Variants in RTF2 observed in about 807,000 individuals in gnomAD.
The protein encoded by RTF2 is replication termination factor 2.
In RTF2, 18 loss-of-function variants were observed where a neutral mutation model predicts 38.0. That is an observed-to-expected ratio of 0.47 (90% CI 0.33 to 0.70). The LOEUF (loss-of-function observed/expected upper bound fraction) is 0.70. RTF2 is among the 30% of genes least tolerant of loss of function. The pLI is 0.02. For synonymous variants in RTF2, 126 were observed against 137.1 expected, an observed-to-expected ratio of 0.92 and a Z score of 0.57; for missense variants, 311 against 379.6, an observed-to-expected ratio of 0.82 and a Z score of 1.50.
intron 4 of RTF2, among the ~76,000 whole-genome samples, chr20:56,482,636 A>G (rs1342545502): frequency 6.6e-6 from 1 of 152,276 alleles, no homozygotes; most frequent in Non-Finnish European, 1.5e-5. Context: ...ATAATTTGTA[A>G]GTATCTATAA....
intron 5 of RTF2, among the ~76,000 whole-genome samples, chr20:56,508,671 G>C (rs1054186566): frequency 6.6e-6 from 1 of 152,138 alleles, no homozygotes; most frequent in African/African-American, 2.4e-5. Context: ...GCATGAGAAC[G>C]GGCATATACA....
intron 4 of RTF2, among the ~76,000 whole-genome samples, chr20:56,480,298 C>G (rs1982468177): frequency 6.6e-6 from 1 of 152,188 alleles, no homozygotes; most frequent in Non-Finnish European, 1.5e-5. Flanking sequence ...GAACCAACTT[C>G]TTCCAGTTTC....
chr20:56,516,885 A>T (rs1385733837), intron 6 of RTF2, 50 bp from the exon 7 acceptor site: 3 of 1,566,402 alleles, frequency 1.9e-6, no homozygotes, highest in Non-Finnish European at 2.6e-6. Flanking sequence ...ACTGACGCTG[A>T]AGTGGAGTGA....
At chr20:56,478,707 G>T (rs1251536033) in intron 4 of RTF2, among the ~76,000 whole-genome samples, 1 of 152,146 alleles carries the variant, frequency 6.6e-6, no homozygotes, top group East Asian at 1.9e-4. Flanking sequence ...GTTGCTGAAG[G>T]TTCGGGTGGC....
intron 4 of RTF2, 22 bp from the exon 5 acceptor site, chr20:56,484,089 C>T: frequency 6.2e-7 from 1 of 1,608,426 alleles, no homozygotes; most frequent in South Asian, 1.1e-5. Context: ...ACAGTCCTTC[C>T]CCCACTGGGT....
intron 5 of RTF2, among the ~76,000 whole-genome samples, chr20:56,503,257 GCTGT>G (rs1243100185): frequency 6.6e-6 from 1 of 152,202 alleles, no homozygotes; most frequent in African/African-American, 2.4e-5. Flanking sequence ...GAATTCAAAA[GCTGT>G]CTAACTGTCC....
chr20:56,479,520 G>C (rs116884928), intron 4 of RTF2, among the ~76,000 whole-genome samples: 1 of 152,090 alleles, frequency 6.6e-6, no homozygotes, highest in African/African-American at 2.4e-5. Context: ...CCACCACAGC[G>C]GGCCAAATCA....
At chr20:56,506,354 A>G (rs1984271215) in intron 5 of RTF2, among the ~76,000 whole-genome samples, 1 of 152,224 alleles carries the variant, frequency 6.6e-6, no homozygotes, top group Non-Finnish European at 1.5e-5. Flanking sequence ...GGATTCCGTG[A>G]TAAGAGAATG....
chr20:56,494,472 A>C (rs564806286), intron 5 of RTF2, among the ~76,000 whole-genome samples: 1 of 152,214 alleles, frequency 6.6e-6, no homozygotes, highest in Non-Finnish European at 1.5e-5. Context: ...TTTACTGACT[A>C]GTCCTGACAA....
At chr20:56,516,155 T>C (rs912468175) in intron 6 of RTF2, 7 of 152,240 alleles carry the variant, frequency 4.6e-5, no homozygotes, top group African/African-American at 1.7e-4. Context: ...GAGAGGTCTT[T>C]CTTTAATGCT....
At chr20:56,482,967 A>G (rs1298931077) in intron 4 of RTF2, among the ~76,000 whole-genome samples, 4 of 152,214 alleles carry the variant, frequency 2.6e-5, no homozygotes, top group African/African-American at 7.2e-5. Flanking sequence ...ATGGGGTCAC[A>G]TTATATGTAT....
At chr20:56,499,421 T>C (rs1048619220) in intron 5 of RTF2, among the ~76,000 whole-genome samples, 27 of 152,138 alleles carry the variant, frequency 1.8e-4, no homozygotes, top group African/African-American at 5.8e-4. Context: ...GACCTCGTGA[T>C]CCACCCGCCT....
chr20:56,517,019 G>GC (rs750145465), intron 7 of RTF2, 30 bp downstream of exon 7: 1 of 1,611,226 alleles, frequency 6.2e-7, no homozygotes, highest in Non-Finnish European at 8.5e-7. Flanking sequence ...CCTTATTTTA[G>GC]CAAAATGCGA....
intron 5 of RTF2, chr20:56,491,404 G>C: frequency 1.6e-6 from 1 of 626,692 alleles, no homozygotes. Flanking sequence ...AAAGTGGCCT[G>C]TAATCAATAG....
chr20:56,470,348 T>C (rs1340070554), intron 1 of RTF2, among the ~76,000 whole-genome samples: 1 of 152,130 alleles, frequency 6.6e-6, no homozygotes, highest in Non-Finnish European at 1.5e-5. Flanking sequence ...GGAAGAGCGA[T>C]TCAAAAAAGC....
chr20:56,474,779 G>T lies in RTF2; in HGVS notation c.258+8G>T. ...CACATTAAAAGCATTAAGGTAACAC[G>T]AGTGATTCTGAAGTGCTGTGAGGGT... On this transcript the variant is annotated splice_region_variant and intron_variant, in intron 3 of 8. Coordinates refer to ENST00000357348, the MANE Select transcript of RTF2 (RefSeq NM_016407.5). 1 of 1,557,416 alleles carries T rather than the reference G, an allele frequency of 6.4e-7. No homozygotes were observed.
At chr20:56,497,370 G>A (rs1268960572) in intron 5 of RTF2, 1 of 1,550,234 alleles carries the variant, frequency 6.5e-7, no homozygotes, top group Admixed American at 2.0e-5. Flanking sequence ...GTGTAAATGA[G>A]CATGTATTTC....
intron 5 of RTF2, among the ~76,000 whole-genome samples, chr20:56,512,522 G>A (rs1004245369): frequency 6.6e-6 from 1 of 152,178 alleles, no homozygotes; most frequent in African/African-American, 2.4e-5. Context: ...CTGTGAGTGT[G>A]GGCATGCCTT....
intron 5 of RTF2, chr20:56,491,572 C>T: frequency 1.3e-6 from 2 of 1,548,282 alleles, no homozygotes; most frequent in Non-Finnish European, 1.7e-6. Flanking sequence ...GGTTCAGTCT[C>T]ATATTGAAAT....
Sources: gnomAD v4.1 joint callset for allele counts (sites outside exome capture counted in the v4.1 genomes callset) on GRCh38, gnomAD v4.1.1 for gene constraint, MANE v1.5 for transcripts, NCBI Gene and HGNC (gene_info 2026-07-23, HGNC 2026-07-21) for gene names.